The following ANO2 variants were observed in gnomAD, a reference collection of about 807,000 sequenced individuals.
ANO2 encodes the protein anoctamin 2, also known as anoctamin-2.
Under a neutral mutation model 124.2 loss-of-function variants are expected in ANO2, and 101 were observed. The ratio of observed to expected loss-of-function variants is 0.81; its 90% CI spans 0.69 to 0.96. The LOEUF (loss-of-function observed/expected upper bound fraction) is 0.96. ANO2 is among the 40% of genes least tolerant of loss of function. ANO2 has a pLI of 0.00. For synonymous variants in ANO2, 486 were observed against 482.5 expected (o/e 1.01, Z -0.09); for missense variants, 1,293 against 1,274.5 (o/e 1.01, Z -0.22).
chr12:5,824,080 T>G (rs1953886642), intron 7 of ANO2, among the ~76,000 whole-genome samples: 1 of 152,108 alleles, frequency 6.6e-6, no homozygotes, highest in Admixed American at 6.5e-5. Flanking sequence ...TGAAACCATT[T>G]TTTCCTCCTG....
At chr12:5,915,201 A>T (rs1941309963) in intron 3 of ANO2, among the ~76,000 whole-genome samples, 1 of 152,236 alleles carries the variant, frequency 6.6e-6, no homozygotes, top group Non-Finnish European at 1.5e-5. Flanking sequence ...ACGTCTTTAA[A>T]TGAAATTCTA....
intron 10 of ANO2, among the ~76,000 whole-genome samples, chr12:5,791,188 C>T (rs551078885): frequency 1.8e-4 from 27 of 151,842 alleles, no homozygotes; most frequent in Admixed American, 6.6e-4. Context: ...GTCTGGTTGC[C>T]GAAGCTGCAA....
At chr12:5,772,512 G>T (rs1952113396) in intron 10 of ANO2, among the ~76,000 whole-genome samples, 1 of 152,158 alleles carries the variant, frequency 6.6e-6, no homozygotes, top group South Asian at 2.1e-4. Context: ...GAAAATAGTA[G>T]ATTTTGTCTA....
At chr12:5,645,355 C>T (rs1946579108) in intron 15 of ANO2, among the ~76,000 whole-genome samples, 1 of 152,044 alleles carries the variant, frequency 6.6e-6, no homozygotes, top group Admixed American at 6.5e-5. Context: ...TACCACTGCA[C>T]TCCAGCCTGG....
Position 5,739,330 on chromosome 12 carries a change from A to G in ANO2, c.1421T>C (p.Ile474Thr). 1 of 1,604,296 alleles carries G rather than the reference A, an allele frequency of 6.2e-7. No homozygotes were observed. Among genetic ancestry groups the G allele is most frequent in the South Asian group, 1.1e-5 (1 of 88,454 alleles). ...GAGAGAACTCACTTCTTCCTCTTCT[A>G]TGCCAGTCAGGTCCCAAAAGTAGCC... ...RLGYFWDLTG[I>T]EEEEEHSRPE... The change falls in exon 13 of 25, where the codon ATA becomes ACA. Residue 474 changes from isoleucine (I) to threonine (T), a missense_variant. Coordinates refer to ENST00000682330, the MANE Select transcript of ANO2 (RefSeq NM_001364791.2).
chr12:5,820,674 G>C (rs538764913), intron 7 of ANO2, among the ~76,000 whole-genome samples: 1 of 152,328 alleles, frequency 6.6e-6, no homozygotes, highest in Non-Finnish European at 1.5e-5. Flanking sequence ...GGTGTGCAGA[G>C]ATTAGTGCCA....
At chr12:5,653,792 G>C (rs1044160564) in intron 14 of ANO2, among the ~76,000 whole-genome samples, 3 of 152,288 alleles carry the variant, frequency 2.0e-5, no homozygotes, top group African/African-American at 7.2e-5. Context: ...AGGAGGGAGT[G>C]ACTTCCAGCC....
At chr12:5,798,594 C>T (rs1952943758) in intron 10 of ANO2, among the ~76,000 whole-genome samples, 1 of 152,182 alleles carries the variant, frequency 6.6e-6, no homozygotes, top group South Asian at 2.1e-4. Flanking sequence ...CCACCATGTC[C>T]ACCATGGAGC....
In ANO2 at chr12:5,578,244, G is replaced by A. The variant is rs928568928; in HGVS notation, c.2386+122C>T. The stretch of plus-strand genomic sequence containing the variant: ...CCTGCACTTCAGGATATGAGGATGA[G>A]GGACCCAAAGGGAAGAGGGGCTTTC... On this transcript the variant is annotated intron_variant, in intron 21 of 24. Transcript: ENST00000682330. The A allele has an allele frequency of 3.6e-6, 5 of 1,402,830 alleles. No individual in the cohort carries two copies. The South Asian group carries it at 5.5e-5, about 15-fold the overall frequency. 86.9% of individuals were successfully genotyped at this position (1,402,830 alleles called of 1,614,324 possible).
intron 3 of ANO2, among the ~76,000 whole-genome samples, chr12:5,918,493 G>A (rs998887433): frequency 4.0e-5 from 6 of 148,724 alleles, no homozygotes; most frequent in South Asian, 2.1e-4. Context: ...AGGCTGGAGT[G>A]CAGTGGCACA....
intron 7 of ANO2, among the ~76,000 whole-genome samples, chr12:5,813,920 G>A (rs567898231): frequency 3.7e-4 from 56 of 152,288 alleles, no homozygotes; most frequent in African/African-American, 1.3e-3. Flanking sequence ...TGGCTTGACC[G>A]AAGTTTTACA....
chr12:5,930,525 A>G (rs1942317998), intron 1 of ANO2, among the ~76,000 whole-genome samples: 1 of 152,228 alleles, frequency 6.6e-6, no homozygotes, highest in Admixed American at 6.5e-5. Flanking sequence ...TAAGAAGAGT[A>G]GGCAACCATG....
At chr12:5,647,305 A>C (rs1004355827) in intron 15 of ANO2, among the ~76,000 whole-genome samples, 3 of 152,216 alleles carry the variant, frequency 2.0e-5, no homozygotes, top group Non-Finnish European at 4.4e-5. Context: ...CTCTAAGGTA[A>C]AGCGCAAGGA....
chr12:5,866,401 T>C (rs1955429362), intron 3 of ANO2, among the ~76,000 whole-genome samples: 1 of 152,224 alleles, frequency 6.6e-6, no homozygotes, highest in African/African-American at 2.4e-5. Flanking sequence ...GATCTGCTTA[T>C]GGGCTTCCTG....
At chr12:5,773,873 T>A (rs985427663) in intron 10 of ANO2, among the ~76,000 whole-genome samples, 4 of 152,186 alleles carry the variant, frequency 2.6e-5, no homozygotes, top group Admixed American at 1.3e-4. Context: ...TGGCCCTGGT[T>A]CAGGTCCCCC....
At chr12:5,573,000 C>T (rs10492185) in intron 23 of ANO2, among the ~76,000 whole-genome samples, 35,032 of 152,080 alleles carry the variant, frequency 0.23, 4,438 homozygotes, top group Admixed American at 0.33. Context: ...CTGATCCACA[C>T]ATATTCACAA....
intron 14 of ANO2, among the ~76,000 whole-genome samples, chr12:5,685,391 C>G (rs1357269442): frequency 6.6e-6 from 1 of 152,210 alleles, no homozygotes; most frequent in Non-Finnish European, 1.5e-5. Flanking sequence ...GGTCCCAAGA[C>G]AGCTTGGCCC....
intron 14 of ANO2, among the ~76,000 whole-genome samples, chr12:5,656,648 G>A (rs1238766253): frequency 2.6e-5 from 4 of 152,118 alleles, no homozygotes; most frequent in Admixed American, 2.0e-4. Flanking sequence ...GGAGAGCAGA[G>A]GCCATATAGC....
chr12:5,695,362 T>C (rs867330198), intron 14 of ANO2, among the ~76,000 whole-genome samples: 18 of 143,908 alleles, frequency 1.3e-4, no homozygotes, highest in African/African-American at 4.4e-4. Context: ...TCTTTTCAAG[T>C]ACACATGGAA....
Sources: allele counts gnomAD v4.1 joint callset (sites outside exome capture counted in the v4.1 genomes callset), GRCh38; gene constraint gnomAD v4.1.1; transcripts MANE v1.5; gene names NCBI Gene and HGNC (gene_info 2026-07-23, HGNC 2026-07-21).